Variants in FAF1 observed in about 807,000 individuals in gnomAD.
The protein encoded by FAF1 is Fas associated factor 1.
Under a neutral mutation model 92.5 loss-of-function variants are expected in FAF1, and 25 were observed. The ratio of observed to expected loss-of-function variants is 0.27; its 90% CI spans 0.20 to 0.38. The LOEUF (loss-of-function observed/expected upper bound fraction) is 0.38, where lower values mean the gene tolerates loss of function less well. Ranked by LOEUF, FAF1 falls within the 10% of genes least tolerant of loss-of-function variation. FAF1 has a pLI of 1.00. For synonymous variants in FAF1, 234 were observed against 273.2 expected (o/e 0.86, Z 1.42); for missense variants, 636 against 793.3 (o/e 0.80, Z 2.38).
intron 12 of FAF1, among the ~76,000 whole-genome samples, chr1:50,575,296 T>C (rs1395814771): frequency 3.9e-5 from 6 of 152,192 alleles, no homozygotes; most frequent in African/African-American, 1.4e-4. Context: ...GCAATTTTAA[T>C]TAGGCAGATC....
chr1:50,521,343 A>C lies in FAF1; in HGVS notation c.1494+14026T>G, dbSNP rs74082544. ...CATGGGAAATAAAAATTCATGAGGAATATGACTGTCTCCAAACATAGGAAT... is the reference window on the plus strand; with the variant it reads ...CATGGGAAATAAAAATTCATGAGGACTATGACTGTCTCCAAACATAGGAAT... On this transcript the variant is annotated intron_variant, in intron 15 of 18. Transcript: ENST00000396153. Among the ~76,000 whole-genome samples, 1,164 of 152,348 alleles carry C rather than the reference A, an allele frequency of 7.6e-3. 12 individuals are homozygous for C. Among genetic ancestry groups the C allele is most frequent in the African/African-American group, 0.027 (1,124 of 41,572 alleles).
intron 8 of FAF1, among the ~76,000 whole-genome samples, chr1:50,627,925 G>T (rs1462777753): frequency 6.6e-6 from 1 of 152,038 alleles, no homozygotes; most frequent in Non-Finnish European, 1.5e-5. Flanking sequence ...CGTACCTAAA[G>T]AAAAGCTATT....
rs1006141494 is a variant in FAF1 at position 50,905,005 on chromosome 1, T to G, written c.46-47008A>C. Among the ~76,000 whole-genome samples, 12 of 152,206 alleles carry G rather than the reference T, an allele frequency of 7.9e-5. No homozygotes were observed. The East Asian group carries it at 2.3e-3, about 29-fold the overall frequency. On this transcript the variant is annotated intron_variant, in intron 1 of 18. Transcript: ENST00000396153. ...GCACCCATTAACTCATCATTTACAT[T>G]AGGTTTATCTCCTAATGCTATCCCA...
intron 8 of FAF1, among the ~76,000 whole-genome samples, chr1:50,608,940 G>A (rs1443178449): frequency 2.0e-5 from 3 of 152,088 alleles, no homozygotes; most frequent in African/African-American, 7.3e-5. Flanking sequence ...AGATTCAAGA[G>A]TATGTGTATC....
At chr1:50,807,301 A>C (rs1008607932) in intron 2 of FAF1, among the ~76,000 whole-genome samples, 5 of 152,252 alleles carry the variant, frequency 3.3e-5, no homozygotes, top group African/African-American at 1.2e-4. Flanking sequence ...GTAATTTATA[A>C]AGAAAAGAGG....
intron 7 of FAF1, among the ~76,000 whole-genome samples, chr1:50,696,682 C>CT (rs1396585100): frequency 1.3e-5 from 2 of 152,106 alleles, no homozygotes; most frequent in African/African-American, 2.4e-5. Flanking sequence ...ATTTTGAACT[C>CT]TAAGTACAAA....
intron 1 of FAF1, among the ~76,000 whole-genome samples, chr1:50,945,586 C>A (rs1331819311): frequency 6.6e-6 from 1 of 152,188 alleles, no homozygotes; most frequent in Non-Finnish European, 1.5e-5. Flanking sequence ...TACACTCAAT[C>A]AGAAGCTTGA....
At chr1:50,853,909 A>T (rs181598947) in intron 2 of FAF1, among the ~76,000 whole-genome samples, 22 of 152,196 alleles carry the variant, frequency 1.4e-4, no homozygotes, top group African/African-American at 5.3e-4. Flanking sequence ...TATTCATTGA[A>T]TTTTAACAAA....
At chr1:50,524,733 C>T (rs577668497) in intron 15 of FAF1, among the ~76,000 whole-genome samples, 18 of 152,214 alleles carry the variant, frequency 1.2e-4, no homozygotes, top group South Asian at 6.2e-4. Flanking sequence ...TATTCTGTTC[C>T]ATTGGTCTAT....
At chr1:50,865,457 G>A (rs1403584071) in intron 1 of FAF1, among the ~76,000 whole-genome samples, 3 of 147,406 alleles carry the variant, frequency 2.0e-5, no homozygotes, top group Admixed American at 6.8e-5. Flanking sequence ...AACAATGATA[G>A]ACTGGATTAA....
intron 2 of FAF1, among the ~76,000 whole-genome samples, chr1:50,856,772 T>C (rs1226541646): frequency 3.3e-5 from 5 of 151,710 alleles, no homozygotes; most frequent in Non-Finnish European, 5.9e-5. Context: ...TACAGTAATG[T>C]TCATAATAGC....
chr1:50,782,386 C>G (rs201558397), intron 4 of FAF1, among the ~76,000 whole-genome samples: 201 of 151,666 alleles, frequency 1.3e-3, no homozygotes, highest in Admixed American at 5.7e-3. Flanking sequence ...GTGTTCGTGT[C>G]TTAGTTTTTA....
intron 4 of FAF1, among the ~76,000 whole-genome samples, chr1:50,782,430 TA>T (rs1661211474): frequency 6.6e-6 from 1 of 151,968 alleles, no homozygotes; most frequent in Non-Finnish European, 1.5e-5. Flanking sequence ...AAATAATAAT[TA>T]AAAAATTTCA....
At chr1:50,815,081 T>C (rs1643954210) in intron 2 of FAF1, among the ~76,000 whole-genome samples, 1 of 152,242 alleles carries the variant, frequency 6.6e-6, no homozygotes, top group Non-Finnish European at 1.5e-5. Flanking sequence ...TAAAATTATT[T>C]TTAATAATTT....
intron 6 of FAF1, among the ~76,000 whole-genome samples, chr1:50,719,738 T>C (rs1658329808): frequency 6.6e-6 from 1 of 152,224 alleles, no homozygotes; most frequent in South Asian, 2.1e-4. Context: ...TTTTGTTTCC[T>C]AGAGTAGTGA....
chr1:50,835,662 T>A (rs1484616194), intron 2 of FAF1, among the ~76,000 whole-genome samples: 3 of 151,312 alleles, frequency 2.0e-5, no homozygotes, highest in Non-Finnish European at 2.9e-5. Flanking sequence ...AGACACCATC[T>A]AAACACGGTA....
chr1:50,502,990 A>G (rs773229780), intron 15 of FAF1, among the ~76,000 whole-genome samples: 1 of 151,794 alleles, frequency 6.6e-6, no homozygotes, highest in Non-Finnish European at 1.5e-5. Context: ...TGTCAGGCTA[A>G]TTATTCTAAT....
chr1:50,562,528 T>C (rs901678579), intron 13 of FAF1, among the ~76,000 whole-genome samples: 4 of 152,148 alleles, frequency 2.6e-5, no homozygotes, highest in African/African-American at 9.7e-5. Context: ...TATGGTAATA[T>C]AAAAATCTCT....
chr1:50,951,230 T>C (rs910710943), intron 1 of FAF1, among the ~76,000 whole-genome samples: 1 of 152,184 alleles, frequency 6.6e-6, no homozygotes, highest in Non-Finnish European at 1.5e-5. Flanking sequence ...TGAGACCCTG[T>C]CTCAAACGAA....
Sources: allele counts gnomAD v4.1 joint callset (sites outside exome capture counted in the v4.1 genomes callset), GRCh38; gene constraint gnomAD v4.1.1; transcripts MANE v1.5; gene names NCBI Gene and HGNC (gene_info 2026-07-23, HGNC 2026-07-21).